The following LTBP2 variants were observed in gnomAD, a reference collection of about 807,000 sequenced individuals.
LTBP2 encodes latent transforming growth factor beta binding protein 2, also known as latent-transforming growth factor beta-binding protein 2.
In LTBP2, 103 loss-of-function variants were observed where a neutral mutation model predicts 210.6. That is an observed-to-expected ratio of 0.49 (90% CI 0.42 to 0.58). The LOEUF (loss-of-function observed/expected upper bound fraction) is 0.58. Among genes scored for constraint, LTBP2 ranks in the 20% least tolerant of loss-of-function variants. The pLI, the probability that LTBP2 is intolerant of heterozygous loss-of-function variation, is 0.00. For synonymous variants in LTBP2, 1,007 were observed against 1,015.0 expected, an observed-to-expected ratio of 0.99 and a Z score of 0.15; for missense variants, 2,313 against 2,494.5, an observed-to-expected ratio of 0.93 and a Z score of 1.55.
rs762848418 is a variant in LTBP2, at chr14:74,509,839, G to A, written c.3172C>T (p.Arg1058Trp). The A allele has an allele frequency of 1.4e-5, 22 of 1,614,034 alleles. No homozygotes were observed. Among genetic ancestry groups the A allele is most frequent in the Middle Eastern group, 1.6e-4 (1 of 6,062 alleles). Residue 1058 changes from arginine (R) to tryptophan (W), a missense_variant, in exon 21 of 36, where the codon CGG becomes TGG. Arg to Trp is a moderately radical substitution (Grantham distance 101, BLOSUM62 -3). Coordinates refer to ENST00000261978, the MANE Select transcript of LTBP2 (RefSeq NM_000428.3). ...CAGAGGCCTGTGGGGCATGAGGCCC[G>A]GCTGGCACACTCATCCACATCTGAA... ...GCQDVDECASRASCPTGLCLN... is the reference protein window; with the variant it reads ...GCQDVDECASWASCPTGLCLN...
At chr14:74,523,023 A>G (rs1224359734) in intron 15 of LTBP2, 105 bp from the exon 16 acceptor site, 12 of 1,402,270 alleles carry the variant, frequency 8.6e-6, no homozygotes, top group Non-Finnish European at 1.2e-5. Flanking sequence ...GGGCCTCAGA[A>G]GGCCAACCTT....
At chr14:74,558,552 C>A (rs2087757091) in intron 3 of LTBP2, among the ~76,000 whole-genome samples, 1 of 152,216 alleles carries the variant, frequency 6.6e-6, no homozygotes. Flanking sequence ...CAGAGCATCC[C>A]AGAGAGGTGA....
chr14:74,559,560 G>C (rs2087768330), intron 3 of LTBP2, among the ~76,000 whole-genome samples: 2 of 152,126 alleles, frequency 1.3e-5, no homozygotes, highest in African/African-American at 4.8e-5. Context: ...CAGGTTCTTG[G>C]CTCAACTCTG....
In LTBP2 at chr14:74,596,262, TAAAA is replaced by T. The variant is rs1205477506; in HGVS notation, c.565+7369_565+7372del. Among the ~76,000 whole-genome samples the T allele has an allele frequency of 2.7e-3, 402 of 147,740 alleles. 2 individuals are homozygous for T. Among genetic ancestry groups the T allele is most frequent in the African/African-American group, 9.2e-3 (353 of 38,496 alleles). ...ATAAATAAATAAATAAATAAATAAA[TAAAA>T]ATTAAAAACAAAGAAGTGGAGCAGA... On this transcript the variant is annotated intron_variant, in intron 2 of 35. Transcript: ENST00000261978.
chr14:74,532,903 G>T (rs1026713587), intron 9 of LTBP2, among the ~76,000 whole-genome samples: 42 of 152,178 alleles, frequency 2.8e-4, no homozygotes, highest in Non-Finnish European at 5.1e-4. Flanking sequence ...GCAGGGGTGT[G>T]ATCTCAGCTC....
rs139738625 is a variant in LTBP2, at chr14:74,585,268, C to T, written c.830+586G>A. Among the ~76,000 whole-genome samples the T allele has an allele frequency of 1.1e-4, 17 of 152,242 alleles. No homozygotes were observed. The East Asian group carries it at 2.1e-3, about 19-fold the overall frequency. On this transcript the variant is annotated intron_variant, in intron 3 of 35. Coordinates refer to ENST00000261978, the MANE Select transcript of LTBP2 (RefSeq NM_000428.3). ...GGCTGAAGCTGGGTGCCGAGGAAACCGAAGGGTCTTCTTCTGGCAGAGGAG... is the reference window on the plus strand; with the variant it reads ...GGCTGAAGCTGGGTGCCGAGGAAACTGAAGGGTCTTCTTCTGGCAGAGGAG...
At chr14:74,552,423 G>A (rs768671335) in intron 5 of LTBP2, 30 bp from the exon 6 acceptor site, 31 of 1,592,994 alleles carry the variant, frequency 1.9e-5, no homozygotes, top group Admixed American at 8.4e-5. Context: ...GGTAACCAGC[G>A]GTGGAAGAAC....
chr14:74,552,455 G>A (rs544730393), intron 5 of LTBP2, 62 bp from the exon 6 acceptor site: 40 of 1,464,982 alleles, frequency 2.7e-5, no homozygotes, highest in East Asian at 6.9e-5. Flanking sequence ...CTCTGTGGCT[G>A]GTGACCACCA....
chr14:74,569,681 C>T (rs553777001), intron 3 of LTBP2, among the ~76,000 whole-genome samples: 2 of 152,312 alleles, frequency 1.3e-5, no homozygotes, highest in Admixed American at 1.3e-4. Flanking sequence ...GTCCTTCCCA[C>T]ACAACCTGTC....
At chr14:74,555,970 C>G (rs1047555569) in intron 3 of LTBP2, among the ~76,000 whole-genome samples, 3 of 152,142 alleles carry the variant, frequency 2.0e-5, no homozygotes, top group African/African-American at 7.2e-5. Context: ...CCTCTGGGCC[C>G]CAGGACCCTT....
chr14:74,521,607 G>T (rs1222065312), intron 17 of LTBP2, among the ~76,000 whole-genome samples: 2 of 152,172 alleles, frequency 1.3e-5, no homozygotes, highest in African/African-American at 4.8e-5. Context: ...GAGTTTGGGG[G>T]CCTGCTGCAT....
Position 74,510,202 on chromosome 14 carries a change from ACT to A in LTBP2, c.3038_3039del (p.Glu1013ValfsTer24), listed in dbSNP as rs749814003. On this transcript the variant is annotated frameshift_variant, in exon 20 of 36. Coordinates refer to ENST00000261978, the MANE Select transcript of LTBP2 (RefSeq NM_000428.3). LOFTEE classifies it high-confidence loss of function. ...TGGGCACAGACCCCGGGAGTCAGACACTCATTCACATCTGTGGGAGAGAAGTC... is the reference window on the plus strand; with the variant it reads ...TGGGCACAGACCCCGGGAGTCAGACACATTCACATCTGTGGGAGAGAAGTC... The part of the protein sequence containing the change: ...GQSGSCVDVN[E>X]CLTPGVCAHG... 6.2e-7 allele frequency: 1 copy of A among 1,613,716 alleles called. No homozygotes were observed. Among genetic ancestry groups the A allele is most frequent in the South Asian group, 1.1e-5 (1 of 91,080 alleles).
At position 74,532,419 on chromosome 14, in the gene LTBP2, C is replaced by A. The variant is rs777167860; in HGVS notation, c.1987+7G>T. 1 of 1,613,940 alleles carries A rather than the reference C, an allele frequency of 6.2e-7. No individual in the cohort carries two copies. Among genetic ancestry groups the A allele is most frequent in the East Asian group, 2.2e-5 (1 of 44,880 alleles). On this transcript the variant is annotated splice_region_variant and intron_variant, in intron 10 of 35. Coordinates refer to ENST00000261978, the MANE Select transcript of LTBP2 (RefSeq NM_000428.3). ...TCCACCCCCACCCCATCCCTGCCAG[C>A]ACTCACACACACAGCGGCTCCGCGA... is the stretch of plus-strand genomic sequence containing the variant.
intron 3 of LTBP2, among the ~76,000 whole-genome samples, chr14:74,577,191 A>G (rs1028998403): frequency 9.9e-5 from 15 of 152,212 alleles, no homozygotes; most frequent in Admixed American, 1.3e-4. Context: ...AAAGAAAAAA[A>G]GGCTAAAAAA....
At chr14:74,579,479 C>T (rs2088107453) in intron 3 of LTBP2, among the ~76,000 whole-genome samples, 1 of 152,222 alleles carries the variant, frequency 6.6e-6, no homozygotes, top group Non-Finnish European at 1.5e-5. Flanking sequence ...TCACTCTCAG[C>T]ATCAGTAGGT....
intron 2 of LTBP2, among the ~76,000 whole-genome samples, chr14:74,599,266 G>A (rs1345802404): frequency 6.6e-5 from 10 of 152,210 alleles, no homozygotes; most frequent in Admixed American, 6.5e-4. Context: ...CTTGCTGCTG[G>A]GGGCAGGAGT....
chr14:74,528,821 G>T, intron 11 of LTBP2, 123 bp from the exon 12 acceptor site: 1 of 1,510,494 alleles, frequency 6.6e-7, no homozygotes, highest in Non-Finnish European at 9.0e-7. Flanking sequence ...GGAGCCCCAG[G>T]TTGGGATAAG....
Position 74,525,237 on chromosome 14 carries a change from A to G in LTBP2, c.2429-12T>C. ...GGTTGTGGCATTCCCTGTGGAGGAGAGAGGGGAAGAGGTGGGGTTGTGGCC... is the reference window on the plus strand; with the variant it reads ...GGTTGTGGCATTCCCTGTGGAGGAGGGAGGGGAAGAGGTGGGGTTGTGGCC... On this transcript the variant is annotated splice_polypyrimidine_tract_variant and intron_variant, in intron 14 of 35. Transcript: ENST00000261978. The G allele has an allele frequency of 7.7e-7, 1 of 1,303,078 alleles. No individual in the cohort carries two copies. The allele number at this position is 1,303,078 out of a possible 1,614,324, so 80.7% of individuals were successfully genotyped here.
chr14:74,563,715 C>G (rs1325010866), intron 3 of LTBP2, among the ~76,000 whole-genome samples: 4 of 152,142 alleles, frequency 2.6e-5, no homozygotes, highest in South Asian at 2.1e-4. Flanking sequence ...TGGAACACAG[C>G]TGCCCTCCTC....
Sources: allele counts gnomAD v4.1 joint callset (sites outside exome capture counted in the v4.1 genomes callset), GRCh38; gene constraint gnomAD v4.1.1; transcripts MANE v1.5; gene names NCBI Gene and HGNC (gene_info 2026-07-23, HGNC 2026-07-21).